The following IQCM variants were observed in gnomAD, a reference collection of about 807,000 sequenced individuals.
IQCM encodes IQ domain-containing protein M.
IQCM carries 45 observed loss-of-function variants against 57.6 expected under a neutral mutation model. That is an observed-to-expected ratio of 0.78 (90% CI 0.62 to 1.00). IQCM has a LOEUF of 1.00. IQCM is among the 50% of genes least tolerant of loss of function. The pLI is 0.00. For synonymous variants in IQCM, 148 were observed against 158.9 expected (o/e 0.93, Z 0.51); for missense variants, 468 against 511.6 (o/e 0.91, Z 0.82).
intron 7 of IQCM, among the ~76,000 whole-genome samples, chr4:149,647,248 T>C (rs1013062281): frequency 6.6e-6 from 1 of 152,208 alleles, no homozygotes; most frequent in African/African-American, 2.4e-5. Context: ...TGTTAATGCA[T>C]AGATAATTGA....
At chr4:149,356,276 T>C (rs1424676603) in intron 13 of IQCM, among the ~76,000 whole-genome samples, 1 of 152,328 alleles carries the variant, frequency 6.6e-6, no homozygotes, top group Admixed American at 6.5e-5. Context: ...ATTTTGGCTT[T>C]TGTTGCCTTT....
intron 12 of IQCM, among the ~76,000 whole-genome samples, chr4:149,464,947 T>C (rs1386961246): frequency 3.3e-5 from 5 of 152,150 alleles, no homozygotes; most frequent in Non-Finnish European, 7.3e-5. Context: ...TAAATAGGAA[T>C]AGTTATGAAG....
chr4:149,751,975 C>T (rs1768491266), intron 2 of IQCM, among the ~76,000 whole-genome samples: 1 of 152,066 alleles, frequency 6.6e-6, no homozygotes, highest in Admixed American at 6.6e-5. Context: ...TAGTAATAAA[C>T]TCTACTCTTG....
At chr4:149,798,657 G>A (rs1238535821) in intron 2 of IQCM, among the ~76,000 whole-genome samples, 2 of 151,914 alleles carry the variant, frequency 1.3e-5, no homozygotes, top group African/African-American at 4.8e-5. Context: ...GAAAAAGATA[G>A]TCCATTCCAA....
chr4:149,757,765 G>A (rs77813856), intron 2 of IQCM, among the ~76,000 whole-genome samples: 2,379 of 143,530 alleles, frequency 0.017, 63 homozygotes, highest in African/African-American at 0.051. Flanking sequence ...GTGTGTGTGT[G>A]TATATTTCTG....
chr4:149,718,139 G>T (rs1765154653), intron 5 of IQCM, among the ~76,000 whole-genome samples: 1 of 152,152 alleles, frequency 6.6e-6, no homozygotes, highest in African/African-American at 2.4e-5. Context: ...ACAAACCATG[G>T]AATCACTTAT....
At chr4:149,802,196 G>A (rs956466696) in intron 2 of IQCM, among the ~76,000 whole-genome samples, 1 of 151,344 alleles carries the variant, frequency 6.6e-6, no homozygotes, top group African/African-American at 2.4e-5. Context: ...CCTAGGATGA[G>A]CCTTTTAAAA....
intron 5 of IQCM, among the ~76,000 whole-genome samples, chr4:149,707,770 C>T (rs1022289006): frequency 7.2e-5 from 11 of 151,990 alleles, no homozygotes; most frequent in Admixed American, 7.2e-4. Flanking sequence ...TCTGCCTATA[C>T]CCATGAAACT....
At chr4:149,763,679 G>A (rs1174844416) in intron 2 of IQCM, among the ~76,000 whole-genome samples, 1 of 152,134 alleles carries the variant, frequency 6.6e-6, no homozygotes, top group Admixed American at 6.6e-5. Context: ...TTTGGGGAGA[G>A]CCAGTGATCT....
intron 13 of IQCM, among the ~76,000 whole-genome samples, chr4:149,366,468 C>T (rs1440445793): frequency 6.6e-6 from 1 of 151,880 alleles, no homozygotes; most frequent in Admixed American, 6.6e-5. Flanking sequence ...GCTCCATTGC[C>T]TGTTTCTTGG....
intron 7 of IQCM, among the ~76,000 whole-genome samples, chr4:149,665,057 G>A (rs758370285): frequency 6.6e-6 from 1 of 152,162 alleles, no homozygotes; most frequent in African/African-American, 2.4e-5. Flanking sequence ...TTGCAGTGCT[G>A]CAGAAACCCA....
At chr4:149,583,469 T>C (rs1752388560) in intron 9 of IQCM, among the ~76,000 whole-genome samples, 2 of 151,560 alleles carry the variant, frequency 1.3e-5, no homozygotes, top group African/African-American at 4.8e-5. Flanking sequence ...ATTCTATACC[T>C]GGAAATCAGT....
intron 5 of IQCM, among the ~76,000 whole-genome samples, chr4:149,712,178 G>A (rs1764614770): frequency 6.6e-6 from 1 of 152,118 alleles, no homozygotes; most frequent in African/African-American, 2.4e-5. Context: ...CAGAGGGAAT[G>A]CCAGAACACA....
intron 10 of IQCM, among the ~76,000 whole-genome samples, chr4:149,556,590 A>C (rs1749607812): frequency 6.6e-6 from 1 of 152,152 alleles, no homozygotes; most frequent in African/African-American, 2.4e-5. Context: ...AAAAATCTTT[A>C]TTCAAAAGCC....
intron 9 of IQCM, among the ~76,000 whole-genome samples, chr4:149,564,273 T>C (rs1398979870): frequency 1.3e-5 from 2 of 152,232 alleles, no homozygotes; most frequent in African/African-American, 2.4e-5. Context: ...TTGGCACTGA[T>C]ATGCTGTTAA....
At chr4:149,459,700 G>A (rs1183725888) in intron 12 of IQCM, among the ~76,000 whole-genome samples, 1 of 152,090 alleles carries the variant, frequency 6.6e-6, no homozygotes, top group Non-Finnish European at 1.5e-5. Flanking sequence ...ATCTGTCTGT[G>A]ATTGGCTTAT....
intron 12 of IQCM, among the ~76,000 whole-genome samples, chr4:149,491,938 T>C (rs967643010): frequency 6.6e-6 from 1 of 152,128 alleles, no homozygotes; most frequent in Non-Finnish European, 1.5e-5. Context: ...TTTTTTTTCA[T>C]AGATGCCATC....
intron 13 of IQCM, among the ~76,000 whole-genome samples, chr4:149,418,730 G>A (rs1241037164): frequency 6.6e-6 from 1 of 152,020 alleles, no homozygotes; most frequent in Non-Finnish European, 1.5e-5. Flanking sequence ...CCGTGATCCT[G>A]TATCTAGAAA....
chr4:149,783,689 T>TTATC (rs1395659347), intron 2 of IQCM, among the ~76,000 whole-genome samples: 1 of 152,174 alleles, frequency 6.6e-6, no homozygotes, highest in East Asian at 1.9e-4. Flanking sequence ...TAGTATAATG[T>TTATC]TATCTCTATA....
Sources: gnomAD v4.1 joint callset for allele counts (sites outside exome capture counted in the v4.1 genomes callset) on GRCh38, gnomAD v4.1.1 for gene constraint, MANE v1.5 for transcripts, NCBI Gene and HGNC (gene_info 2026-07-23, HGNC 2026-07-21) for gene names.